Variants in ANKIB1 observed in about 807,000 individuals in gnomAD.
ANKIB1 encodes the protein ankyrin repeat and IBR domain containing 1.
Under a neutral mutation model 122.1 loss-of-function variants are expected in ANKIB1, and 43 were observed. The ratio of observed to expected loss-of-function variants is 0.35; its 90% CI spans 0.28 to 0.45. ANKIB1 has a LOEUF of 0.45. Among genes scored for constraint, ANKIB1 ranks in the 20% least tolerant of loss-of-function variants. ANKIB1 has a pLI of 1.00. For missense variants in ANKIB1, 992 were observed against 1,329.5 expected, an observed-to-expected ratio of 0.75 and a Z score of 3.95; for synonymous variants, 390 against 442.0, an observed-to-expected ratio of 0.88 and a Z score of 1.48.
At chr7:92,321,299 A>G (rs1384883184) in intron 4 of ANKIB1, among the ~76,000 whole-genome samples, 1 of 152,184 alleles carries the variant, frequency 6.6e-6, no homozygotes, top group East Asian at 1.9e-4. Flanking sequence ...TGAAATATAC[A>G]ATACATTATT....
At chr7:92,294,643 G>T (rs190845954) in intron 1 of ANKIB1, 1 of 376,530 alleles carries the variant, frequency 2.7e-6, no homozygotes, top group Non-Finnish European at 4.7e-6. Flanking sequence ...TTTGTAATCC[G>T]AAGGACTGCC....
intron 4 of ANKIB1, chr7:92,319,828 A>T: frequency 4.4e-6 from 1 of 224,772 alleles, no homozygotes. Context: ...CTAACTACTC[A>T]GGAGGCTGAG....
intron 11 of ANKIB1, among the ~76,000 whole-genome samples, chr7:92,380,918 C>CTTCT (rs1585135430): frequency 6.6e-6 from 1 of 152,160 alleles, no homozygotes; most frequent in African/African-American, 2.4e-5. Flanking sequence ...TGACAGTTGA[C>CTTCT]AGAAGTAGGC....
intron 7 of ANKIB1, chr7:92,348,118 T>C: frequency 3.0e-6 from 1 of 329,098 alleles, no homozygotes; most frequent in Non-Finnish European, 5.9e-6. Flanking sequence ...AATAATAATA[T>C]GGCCAACAGA....
At chr7:92,260,575 G>T (rs569915511) in intron 1 of ANKIB1, among the ~76,000 whole-genome samples, 150 of 152,092 alleles carry the variant, frequency 9.9e-4, no homozygotes, top group African/African-American at 3.6e-3. Flanking sequence ...AGCTGCTCAG[G>T]AGGAGGCTAA....
At chr7:92,387,322 A>G (rs1804678484) in intron 12 of ANKIB1, among the ~76,000 whole-genome samples, 1 of 152,112 alleles carries the variant, frequency 6.6e-6, no homozygotes. Flanking sequence ...AGTCCATAGC[A>G]AAAAGCCATG....
At chr7:92,264,545 G>A (rs1376381863) in intron 1 of ANKIB1, among the ~76,000 whole-genome samples, 2 of 151,808 alleles carry the variant, frequency 1.3e-5, no homozygotes, top group Middle Eastern at 3.4e-3. Flanking sequence ...CTATAGGTGC[G>A]TGCCACCACG....
Position 92,261,145 on chromosome 7 carries a change from C to T in ANKIB1, c.-91+14626C>T, listed in dbSNP as rs1189553389. Among the ~76,000 whole-genome samples the T allele has an allele frequency of 2.0e-5, 3 of 151,782 alleles. No individual in the cohort carries two copies. The East Asian group carries it at 5.8e-4, about 29-fold the overall frequency. On this transcript the variant is annotated intron_variant, in intron 1 of 19. Transcript: ENST00000265742. ...CGGGCGGATCACGAGGTCAGGAGAT[C>T]GAGACCATCCTGGCTAACACGGTGA...
intron 2 of ANKIB1, among the ~76,000 whole-genome samples, chr7:92,296,531 G>C (rs745343247): frequency 3.9e-5 from 6 of 152,042 alleles, no homozygotes; most frequent in Non-Finnish European, 7.4e-5. Context: ...TCCTGTGTGT[G>C]CCACATCTAT....
intron 3 of ANKIB1, among the ~76,000 whole-genome samples, chr7:92,315,251 G>T (rs1215541890): frequency 6.6e-6 from 1 of 152,200 alleles, no homozygotes; most frequent in African/African-American, 2.4e-5. Context: ...TGGTTGAAAG[G>T]AAGAGAGAAT....
At chr7:92,342,910 C>A in intron 5 of ANKIB1, 114 bp from the exon 6 acceptor site, 1 of 850,562 alleles carries the variant, frequency 1.2e-6, no homozygotes, top group Non-Finnish European at 1.9e-6. Flanking sequence ...CTTTTATATA[C>A]TTTTTTCTTT....
intron 16 of ANKIB1, 102 bp from the exon 17 acceptor site, chr7:92,392,139 C>G (rs1000968690): frequency 1.1e-6 from 1 of 873,600 alleles, no homozygotes; most frequent in African/African-American, 1.7e-5. Flanking sequence ...TAAGCAAGTT[C>G]CAACAGAGGA....
At chr7:92,375,094 T>A (rs1240033274) in intron 11 of ANKIB1, among the ~76,000 whole-genome samples, 1 of 152,246 alleles carries the variant, frequency 6.6e-6, no homozygotes, top group Non-Finnish European at 1.5e-5. Context: ...ATGCATTTTT[T>A]AAAGTACATA....
At chr7:92,295,256 G>C (rs1475405650) in intron 2 of ANKIB1, 90 bp downstream of exon 2, 1 of 927,968 alleles carries the variant, frequency 1.1e-6, no homozygotes, top group Non-Finnish European at 1.5e-6. Context: ...TATGATTTTT[G>C]AAAATACGGA....
chr7:92,355,501 A>G (rs1335315362), intron 9 of ANKIB1, among the ~76,000 whole-genome samples: 3 of 152,168 alleles, frequency 2.0e-5, no homozygotes, highest in Admixed American at 6.5e-5. Context: ...TTCTAAACAC[A>G]TAGACAGTCA....
At chr7:92,352,708 C>T in intron 9 of ANKIB1, 66 bp downstream of exon 9, 1 of 1,485,152 alleles carries the variant, frequency 6.7e-7, no homozygotes, top group Non-Finnish European at 9.0e-7. Context: ...AAAGACTTTG[C>T]ACCTTGAGTC....
intron 16 of ANKIB1, 65 bp from the exon 17 acceptor site, chr7:92,392,176 G>T: frequency 7.3e-7 from 1 of 1,372,318 alleles, no homozygotes; most frequent in South Asian, 1.4e-5. Context: ...AAAGGGCAAG[G>T]ATCTGATTGT....
At chr7:92,355,984 G>T (rs1004252456) in intron 9 of ANKIB1, among the ~76,000 whole-genome samples, 1 of 151,960 alleles carries the variant, frequency 6.6e-6, no homozygotes, top group Non-Finnish European at 1.5e-5. Flanking sequence ...ACAAATTTTT[G>T]AATCATAGTG....
Position 92,307,350 on chromosome 7 carries a change from C to T in ANKIB1, c.189-9C>T. On this transcript the variant is annotated splice_polypyrimidine_tract_variant and intron_variant, in intron 2 of 19. Transcript: ENST00000265742. ...TCATCCTTTATTTTTCCCTTTCTTTCCATTTTAGGACTTTTCTTGGTAGAG... is the reference window on the plus strand; with the variant it reads ...TCATCCTTTATTTTTCCCTTTCTTTTCATTTTAGGACTTTTCTTGGTAGAG... 2 of 1,597,492 alleles carry T rather than the reference C, an allele frequency of 1.3e-6. No individual in the cohort carries two copies. Among genetic ancestry groups the T allele is most frequent in the Non-Finnish European group, 1.7e-6 (2 of 1,170,358 alleles).
Sources: gnomAD v4.1 joint callset for allele counts (sites outside exome capture counted in the v4.1 genomes callset) on GRCh38, gnomAD v4.1.1 for gene constraint, MANE v1.5 for transcripts, NCBI Gene and HGNC (gene_info 2026-07-23, HGNC 2026-07-21) for gene names.